GNAO1: variants seen among roughly 807,000 people sequenced by gnomAD.
GNAO1 encodes guanine nucleotide-binding protein G(o) subunit alpha.
For synonymous variants in GNAO1, 164 were observed against 180.7 expected (o/e 0.91, Z 0.74); for missense variants, 166 against 478.7 (o/e 0.35, Z 6.10).
intron 2 of GNAO1, among the ~76,000 whole-genome samples, chr16:56,222,576 C>T (rs1166915503): frequency 6.6e-6 from 1 of 152,180 alleles, no homozygotes; most frequent in Non-Finnish European, 1.5e-5. Flanking sequence ...GCTTGTCCTT[C>T]TATGAGATTG....
intron 3 of GNAO1, among the ~76,000 whole-genome samples, chr16:56,295,215 C>T (rs1452095446): frequency 5.3e-5 from 8 of 152,134 alleles, no homozygotes; most frequent in African/African-American, 9.7e-5. Flanking sequence ...TTTTCGTCTG[C>T]AGATAAAGAA....
chr16:56,347,178 T>C (rs2143691685), intron 6 of GNAO1: 1 of 985,442 alleles, frequency 1.0e-6, no homozygotes, highest in Non-Finnish European at 1.2e-6. Flanking sequence ...TCAAGAAGTC[T>C]GGGGCACAGA....
intron 6 of GNAO1, among the ~76,000 whole-genome samples, chr16:56,338,504 A>G (rs1157712819): frequency 6.6e-6 from 1 of 152,196 alleles, no homozygotes; most frequent in African/African-American, 2.4e-5. Flanking sequence ...TATTACGGCC[A>G]CTGCTCCAAC....
intron 6 of GNAO1, among the ~76,000 whole-genome samples, chr16:56,341,450 C>T (rs562317553): frequency 5.3e-5 from 8 of 152,332 alleles, no homozygotes; most frequent in Middle Eastern, 6.8e-3. Flanking sequence ...TGATTGCCCT[C>T]GCCTCCCTCA....
At chr16:56,342,187 G>A (rs2037812418) in intron 6 of GNAO1, among the ~76,000 whole-genome samples, 1 of 152,192 alleles carries the variant, frequency 6.6e-6, no homozygotes, top group Admixed American at 6.5e-5. Flanking sequence ...AAACAGGTGG[G>A]GTCGGTCAGT....
intron 3 of GNAO1, among the ~76,000 whole-genome samples, chr16:56,280,054 C>T (rs2037100115): frequency 6.6e-6 from 1 of 152,256 alleles, no homozygotes; most frequent in Non-Finnish European, 1.5e-5. Context: ...TTTGTCACTA[C>T]ATCAACAGCT....
rs529502238 is a variant in GNAO1 at position 56,262,943 on chromosome 16, G to A, written c.162-12988G>A. Among the ~76,000 whole-genome samples, 50 of 152,342 alleles carry A rather than the reference G, an allele frequency of 3.3e-4. No individual in the cohort carries two copies. In the East Asian group the frequency reaches 4.8e-3, roughly 15 times the overall value. On this transcript the variant is annotated intron_variant, in intron 2 of 8. Transcript: ENST00000262493. ...TGCAACATAACCAGTGAATTTAACC[G>A]TTGGGTTTCAAAGAACAGTTTTGGA... is the stretch of plus-strand genomic sequence containing the variant.
chr16:56,289,605 C>T (rs573663493), intron 3 of GNAO1, among the ~76,000 whole-genome samples: 19 of 152,224 alleles, frequency 1.2e-4, no homozygotes, highest in South Asian at 2.1e-4. Flanking sequence ...AAAAGGCTCC[C>T]GGTGTGGGGA....
intron 3 of GNAO1, among the ~76,000 whole-genome samples, chr16:56,285,042 C>A (rs1158510262): frequency 6.6e-6 from 1 of 152,204 alleles, no homozygotes; most frequent in Non-Finnish European, 1.5e-5. Flanking sequence ...TCTGGCCTGG[C>A]CTGCCTTCTC....
intron 2 of GNAO1, among the ~76,000 whole-genome samples, chr16:56,228,451 A>C (rs1471577894): frequency 6.6e-6 from 1 of 151,156 alleles, no homozygotes; most frequent in Non-Finnish European, 1.5e-5. Flanking sequence ...ATATATATAC[A>C]TATATATTTA....
chr16:56,212,945 G>C (rs1366521389), intron 2 of GNAO1, among the ~76,000 whole-genome samples: 5 of 152,232 alleles, frequency 3.3e-5, no homozygotes, highest in African/African-American at 1.2e-4. Context: ...GATCTGGCAG[G>C]CTTTTTCTAT....
intron 2 of GNAO1, among the ~76,000 whole-genome samples, chr16:56,215,717 A>G (rs1322790736): frequency 6.6e-6 from 1 of 152,164 alleles, no homozygotes; most frequent in Non-Finnish European, 1.5e-5. Context: ...GTCCATTTAC[A>G]TTGCTGTGGG....
chr16:56,197,326 C>T (rs894563890), intron 2 of GNAO1, among the ~76,000 whole-genome samples: 1 of 152,196 alleles, frequency 6.6e-6, no homozygotes, highest in Non-Finnish European at 1.5e-5. Flanking sequence ...TCGTCCCTCT[C>T]TATGTTTATT....
chr16:56,276,108 G>A (rs757370770), intron 3 of GNAO1, 36 bp downstream of exon 3: 13 of 1,585,024 alleles, frequency 8.2e-6, no homozygotes, highest in Non-Finnish European at 1.1e-5. Context: ...GCAACAAGAG[G>A]TTCTGTCTGT....
chr16:56,286,141 G>A (rs545335411), intron 3 of GNAO1, among the ~76,000 whole-genome samples: 156 of 152,240 alleles, frequency 1.0e-3, no homozygotes, highest in African/African-American at 3.6e-3. Context: ...CCACACATGT[G>A]AGATGGAGAT....
At chr16:56,285,266 C>A (rs1255371498) in intron 3 of GNAO1, among the ~76,000 whole-genome samples, 2 of 152,276 alleles carry the variant, frequency 1.3e-5, no homozygotes, top group Admixed American at 1.3e-4. Context: ...CCACCGCCAC[C>A]ATAAGCCCTA....
intron 3 of GNAO1, among the ~76,000 whole-genome samples, chr16:56,325,578 A>T (rs2037623374): frequency 1.3e-5 from 2 of 152,204 alleles, no homozygotes; most frequent in South Asian, 2.1e-4. Flanking sequence ...TGCGACTCTC[A>T]GACCCCAGTG....
At chr16:56,208,459 GCA>G (rs199829680) in intron 2 of GNAO1, among the ~76,000 whole-genome samples, 205 of 126,250 alleles carry the variant, frequency 1.6e-3, no homozygotes, top group Middle Eastern at 7.1e-3. Flanking sequence ...GCGCGCGCGC[GCA>G]CGTGTGTGTG....
intron 4 of GNAO1, among the ~76,000 whole-genome samples, chr16:56,333,294 C>A (rs2037708620): frequency 6.6e-6 from 1 of 151,306 alleles, no homozygotes; most frequent in South Asian, 2.1e-4. Flanking sequence ...CTCACTGCAA[C>A]CTCCGCCTCC....
Sources: allele counts gnomAD v4.1 joint callset (sites outside exome capture counted in the v4.1 genomes callset), GRCh38; gene constraint gnomAD v4.1.1; transcripts MANE v1.5; gene names NCBI Gene and HGNC (gene_info 2026-07-23, HGNC 2026-07-21).